NTNG1: variants seen among roughly 807,000 people sequenced by gnomAD.
NTNG1 encodes the protein netrin G1.
In NTNG1, 16 loss-of-function variants were observed where a neutral mutation model predicts 54.0. The ratio of observed to expected loss-of-function variants is 0.30; its 90% confidence interval spans 0.20 to 0.45. NTNG1 has a LOEUF of 0.45. NTNG1 is among the 20% of genes least tolerant of loss of function. The pLI is 1.00. For missense variants in NTNG1, 530 were observed against 678.7 expected (o/e 0.78, Z 2.43); for synonymous variants, 255 against 263.1 (o/e 0.97, Z 0.30).
intron 2 of NTNG1, among the ~76,000 whole-genome samples, chr1:107,177,876 A>G (rs758938683): frequency 1.8e-4 from 28 of 152,122 alleles, no homozygotes; most frequent in Non-Finnish European, 3.4e-4. Context: ...TTATTGGTCA[A>G]TCAACTTTCA....
chr1:107,280,086 T>A (rs1374255562), intron 2 of NTNG1, among the ~76,000 whole-genome samples: 2 of 151,144 alleles, frequency 1.3e-5, no homozygotes, highest in Non-Finnish European at 2.9e-5. Context: ...TAAACCTTCT[T>A]GGATCATTTT....
intron 2 of NTNG1, among the ~76,000 whole-genome samples, chr1:107,156,398 T>A (rs1655001307): frequency 6.6e-6 from 1 of 152,126 alleles, no homozygotes; most frequent in African/African-American, 2.4e-5. Flanking sequence ...TAAGAATCTG[T>A]TTAGATAAAA....
intron 2 of NTNG1, among the ~76,000 whole-genome samples, chr1:107,274,181 G>A (rs1040457669): frequency 4.6e-5 from 7 of 152,246 alleles, no homozygotes; most frequent in African/African-American, 9.6e-5. Context: ...CAAGGGGGTA[G>A]CACTGGGATT....
intron 5 of NTNG1, among the ~76,000 whole-genome samples, chr1:107,428,953 T>A (rs1214649565): frequency 1.3e-5 from 2 of 152,062 alleles, no homozygotes; most frequent in Admixed American, 6.6e-5. Flanking sequence ...TATATGGATA[T>A]TTCCTTACAC....
chr1:107,463,258 G>C (rs762946175), intron 7 of NTNG1, among the ~76,000 whole-genome samples: 1 of 152,196 alleles, frequency 6.6e-6, no homozygotes. Context: ...AACTGATAAA[G>C]GTTGGAAATC....
intron 2 of NTNG1, among the ~76,000 whole-genome samples, chr1:107,245,345 G>C (rs943446075): frequency 3.3e-5 from 5 of 152,186 alleles, no homozygotes; most frequent in Non-Finnish European, 7.3e-5. Flanking sequence ...GTTTACGTAA[G>C]TGTAAGTATT....
At chr1:107,361,991 C>T (rs1670329046) in intron 3 of NTNG1, among the ~76,000 whole-genome samples, 1 of 152,050 alleles carries the variant, frequency 6.6e-6, no homozygotes, top group African/African-American at 2.4e-5. Context: ...GAGACAACAA[C>T]AGGGGAAGGG....
chr1:107,378,054 C>T (rs1245594816), intron 3 of NTNG1, among the ~76,000 whole-genome samples: 1 of 152,164 alleles, frequency 6.6e-6, no homozygotes, highest in Non-Finnish European at 1.5e-5. Context: ...TACATTTTTA[C>T]CAAATAAATG....
At chr1:107,237,213 G>A (rs1661472211) in intron 2 of NTNG1, among the ~76,000 whole-genome samples, 1 of 152,152 alleles carries the variant, frequency 6.6e-6, no homozygotes, top group East Asian at 1.9e-4. Flanking sequence ...TTATGTTTTA[G>A]CAAAGAGACT....
rs1290507921 is a variant in NTNG1 at position 107,480,854 on chromosome 1, C to G, written c.*14C>G. The G allele has an allele frequency of 6.5e-7, 1 of 1,541,424 alleles. No individual in the cohort carries two copies. Among genetic ancestry groups the G allele is most frequent in the Non-Finnish European group, 8.8e-7 (1 of 1,138,786 alleles). ...CTGGTGTTCTAGGTGTCACCTCCAG[C>G]CACACCGGACGGGCCTGTGCCGTGG... On this transcript the variant is annotated 3_prime_UTR_variant, in exon 8 of 8. Coordinates refer to ENST00000370068, the MANE Select transcript of NTNG1 (RefSeq NM_001113226.3).
At chr1:107,377,768 T>A (rs934297902) in intron 3 of NTNG1, among the ~76,000 whole-genome samples, 1 of 152,240 alleles carries the variant, frequency 6.6e-6, no homozygotes, top group African/African-American at 2.4e-5. Flanking sequence ...TGCAATTTAC[T>A]GGGGAATCTC....
chr1:107,457,716 G>A (rs1003523980), intron 7 of NTNG1, among the ~76,000 whole-genome samples: 3 of 151,982 alleles, frequency 2.0e-5, no homozygotes. Flanking sequence ...TCATACATAA[G>A]CCACTGGAAT....
intron 2 of NTNG1, among the ~76,000 whole-genome samples, chr1:107,216,209 A>G (rs567145835): frequency 1.2e-3 from 186 of 152,234 alleles, no homozygotes; most frequent in African/African-American, 4.2e-3. Context: ...GAAAGTGGGC[A>G]TCCTTGTCTT....
At chr1:107,353,455 A>G (rs1283896414) in intron 3 of NTNG1, among the ~76,000 whole-genome samples, 1 of 152,116 alleles carries the variant, frequency 6.6e-6, no homozygotes, top group Non-Finnish European at 1.5e-5. Context: ...CCTGTTCCCA[A>G]TGACTTCCTA....
chr1:107,271,295 C>T (rs1276189804), intron 2 of NTNG1, among the ~76,000 whole-genome samples: 2 of 152,056 alleles, frequency 1.3e-5, no homozygotes, highest in Non-Finnish European at 2.9e-5. Flanking sequence ...CTGTGCTGCA[C>T]CCATTAACTC....
chr1:107,472,799 A>G (rs1678069559), intron 7 of NTNG1, among the ~76,000 whole-genome samples: 2 of 152,166 alleles, frequency 1.3e-5, no homozygotes, highest in Non-Finnish European at 2.9e-5. Flanking sequence ...TCCAACCACA[A>G]CAACAAAAAG....
chr1:107,317,397 C>T (rs1367732163), intron 2 of NTNG1, among the ~76,000 whole-genome samples: 1 of 152,114 alleles, frequency 6.6e-6, no homozygotes, highest in Non-Finnish European at 1.5e-5. Context: ...TAAAAAGCAA[C>T]CTCCCTACCA....
intron 2 of NTNG1, among the ~76,000 whole-genome samples, chr1:107,237,685 G>A (rs938274425): frequency 2.6e-5 from 4 of 152,124 alleles, no homozygotes; most frequent in African/African-American, 9.7e-5. Context: ...GGCTGAAAGG[G>A]GCCACTGTAG....
At chr1:107,273,090 A>G (rs1303383307) in intron 2 of NTNG1, among the ~76,000 whole-genome samples, 1 of 152,200 alleles carries the variant, frequency 6.6e-6, no homozygotes, top group Non-Finnish European at 1.5e-5. Context: ...TTTCCTCTCT[A>G]TGAAGGCTGT....
Sources: gnomAD v4.1 joint callset for allele counts (sites outside exome capture counted in the v4.1 genomes callset) on GRCh38, gnomAD v4.1.1 for gene constraint, MANE v1.5 for transcripts, NCBI Gene and HGNC (gene_info 2026-07-23, HGNC 2026-07-21) for gene names.